Variants in TRPC6 observed in about 807,000 individuals in gnomAD.
TRPC6 encodes short transient receptor potential channel 6.
A neutral mutation model predicts 90.7 loss-of-function variants in TRPC6; 55 were observed. The ratio of observed to expected loss-of-function variants is 0.61; its 90% CI spans 0.49 to 0.76. The LOEUF is 0.76. Ranked by LOEUF, TRPC6 falls within the 30% of genes least tolerant of loss-of-function variation. TRPC6 has a pLI of 0.00. For synonymous variants in TRPC6, 393 were observed against 393.0 expected, an observed-to-expected ratio of 1.00 and a Z score of 0.00; for missense variants, 989 against 1,122.7, an observed-to-expected ratio of 0.88 and a Z score of 1.70.
chr11:101,581,159 T>C (rs1007325378), intron 1 of TRPC6, among the ~76,000 whole-genome samples: 1 of 152,206 alleles, frequency 6.6e-6, no homozygotes, highest in African/African-American at 2.4e-5. Context: ...TGTTATGAAT[T>C]GAAGCACATT....
intron 3 of TRPC6, 102 bp from the exon 4 acceptor site, chr11:101,489,203 T>C (rs1358052202): frequency 9.5e-7 from 1 of 1,050,308 alleles, no homozygotes; most frequent in African/African-American, 1.6e-5. Context: ...ATGAAATACA[T>C]TGTTAGAATT....
intron 4 of TRPC6, among the ~76,000 whole-genome samples, chr11:101,484,575 ATCTCTC>A (rs10627556): frequency 6.8e-6 from 1 of 146,274 alleles, no homozygotes; most frequent in Non-Finnish European, 1.5e-5. Flanking sequence ...ATTGTATTGT[ATCTCTC>A]TCTCTCTCAT....
chr11:101,469,054 T>C (rs552918958), intron 10 of TRPC6, among the ~76,000 whole-genome samples: 2 of 152,192 alleles, frequency 1.3e-5, no homozygotes, highest in African/African-American at 4.8e-5. Flanking sequence ...TTCTTGATTA[T>C]TGACAAATTA....
At chr11:101,471,686 C>G (rs1347947980) in intron 8 of TRPC6, among the ~76,000 whole-genome samples, 1 of 152,120 alleles carries the variant, frequency 6.6e-6, no homozygotes, top group African/African-American at 2.4e-5. Flanking sequence ...ATTATTCTCT[C>G]TTTTATTCTG....
chr11:101,477,137 C>G (rs1210263629), intron 5 of TRPC6, among the ~76,000 whole-genome samples: 1 of 151,152 alleles, frequency 6.6e-6, no homozygotes, highest in Admixed American at 6.6e-5. Context: ...GACTTTGGCT[C>G]AAGGATTTCA....
chr11:101,580,427 A>G (rs1223347886), intron 1 of TRPC6, among the ~76,000 whole-genome samples: 1 of 152,136 alleles, frequency 6.6e-6, no homozygotes, highest in Non-Finnish European at 1.5e-5. Context: ...AATCTGAGCC[A>G]TTTTCTTCTG....
At chr11:101,511,332 A>G (rs528711157) in intron 1 of TRPC6, among the ~76,000 whole-genome samples, 2 of 152,234 alleles carry the variant, frequency 1.3e-5, no homozygotes, top group Non-Finnish European at 2.9e-5. Flanking sequence ...CCTTAGTCCT[A>G]TGAGAGCAAT....
chr11:101,477,729 T>C (rs1414709218), intron 5 of TRPC6, among the ~76,000 whole-genome samples: 3 of 152,224 alleles, frequency 2.0e-5, no homozygotes, highest in East Asian at 1.9e-4. Flanking sequence ...TCCTACTTCA[T>C]TGGATTGTTA....
chr11:101,541,070 C>T (rs1158477298), intron 1 of TRPC6, among the ~76,000 whole-genome samples: 1 of 152,268 alleles, frequency 6.6e-6, no homozygotes, highest in East Asian at 1.9e-4. Flanking sequence ...CAAAGACAAA[C>T]ATATTTTATG....
intron 1 of TRPC6, among the ~76,000 whole-genome samples, chr11:101,545,728 A>T (rs1049089688): frequency 6.6e-6 from 1 of 152,130 alleles, no homozygotes; most frequent in Non-Finnish European, 1.5e-5. Flanking sequence ...CTATTTCTTA[A>T]AATAATTTTT....
chr11:101,513,013 A>G (rs72972215), intron 1 of TRPC6, among the ~76,000 whole-genome samples: 5,577 of 152,334 alleles, frequency 0.037, 149 homozygotes, highest in Non-Finnish European at 0.054. Context: ...ACATGGCACC[A>G]TGAAGTGCCC....
chr11:101,564,975 T>C (rs956474096), intron 1 of TRPC6, among the ~76,000 whole-genome samples: 5 of 152,192 alleles, frequency 3.3e-5, no homozygotes, highest in South Asian at 4.1e-4. Flanking sequence ...GAAGAAAAGA[T>C]AGTCTCTTCA....
chr11:101,543,435 C>T (rs1407988034), intron 1 of TRPC6, among the ~76,000 whole-genome samples: 2 of 152,054 alleles, frequency 1.3e-5, no homozygotes, highest in African/African-American at 4.8e-5. Context: ...GCAAAAAGAA[C>T]AAAGCTGGAG....
chr11:101,572,238 G>C (rs1208437969), intron 1 of TRPC6, among the ~76,000 whole-genome samples: 4 of 150,698 alleles, frequency 2.7e-5, no homozygotes, highest in African/African-American at 9.8e-5. Context: ...CTCAAAAGAA[G>C]ACATTTTTGT....
intron 1 of TRPC6, among the ~76,000 whole-genome samples, chr11:101,527,762 G>GA (rs1214868110): frequency 6.6e-6 from 1 of 151,914 alleles, no homozygotes; most frequent in Non-Finnish European, 1.5e-5. Context: ...ACATTTTCTG[G>GA]AATGTGATGG....
chr11:101,476,707 A>G (rs996505851), intron 5 of TRPC6, among the ~76,000 whole-genome samples, 173 bp from the exon 6 acceptor site: 1 of 152,204 alleles, frequency 6.6e-6, no homozygotes, highest in Admixed American at 6.5e-5. Context: ...CTAGTCCAGA[A>G]ATATCAGTGC....
intron 1 of TRPC6, among the ~76,000 whole-genome samples, chr11:101,578,761 G>A (rs1036449453): frequency 6.6e-6 from 1 of 152,098 alleles, no homozygotes; most frequent in Non-Finnish European, 1.5e-5. Flanking sequence ...TTAATAACAA[G>A]AGAGTAAACC....
chr11:101,569,800 A>G (rs1861917310), intron 1 of TRPC6, among the ~76,000 whole-genome samples: 1 of 152,216 alleles, frequency 6.6e-6, no homozygotes, highest in Admixed American at 6.5e-5. Context: ...AGGCAAAAAT[A>G]AAGATGTTCT....
At chr11:101,570,383 A>G (rs374119651) in intron 1 of TRPC6, among the ~76,000 whole-genome samples, 3 of 152,360 alleles carry the variant, frequency 2.0e-5, no homozygotes, top group African/African-American at 7.2e-5. Context: ...AGCAATTATT[A>G]GCCTACCAAC....
Sources: gnomAD v4.1 joint callset for allele counts (sites outside exome capture counted in the v4.1 genomes callset) on GRCh38, gnomAD v4.1.1 for gene constraint, MANE v1.5 for transcripts, NCBI Gene and HGNC (gene_info 2026-07-23, HGNC 2026-07-21) for gene names.